Variants in WWC1 observed in about 807,000 individuals in gnomAD.
WWC1 encodes protein KIBRA.
A neutral mutation model predicts 138.4 loss-of-function variants in WWC1; 55 were observed. That is an observed-to-expected ratio of 0.40 (90% confidence interval 0.32 to 0.50). WWC1 has a LOEUF of 0.50. Among genes scored for constraint, WWC1 ranks in the 20% least tolerant of loss-of-function variants. The probability of loss-of-function intolerance (pLI) is 0.72; values close to 1 mark genes in which losing one functional copy is unlikely to be tolerated. For synonymous variants in WWC1, 524 were observed against 564.9 expected, an observed-to-expected ratio of 0.93 and a Z score of 1.03; for missense variants, 1,226 against 1,420.4, an observed-to-expected ratio of 0.86 and a Z score of 2.20.
chr5:168,406,086 G>C, intron 5 of WWC1, 112 bp from the exon 6 acceptor site: 1 of 1,350,156 alleles, frequency 7.4e-7, no homozygotes, highest in Non-Finnish European at 1.0e-6. Flanking sequence ...TAGCAGGACA[G>C]AGGGAGGGGC....
intron 1 of WWC1, among the ~76,000 whole-genome samples, chr5:168,317,311 T>C (rs1039263282): frequency 6.6e-6 from 1 of 152,206 alleles, no homozygotes; most frequent in Non-Finnish European, 1.5e-5. Context: ...CGTTTGTCTG[T>C]GTGTCCTGAT....
intron 11 of WWC1, 131 bp from the exon 12 acceptor site, chr5:168,427,902 A>C: frequency 1.5e-6 from 1 of 656,238 alleles, no homozygotes; most frequent in Non-Finnish European, 2.7e-6. Context: ...TCGAGGCTGC[A>C]GTGAGCCATG....
chr5:168,447,977 C>G (rs1465504177), intron 17 of WWC1, among the ~76,000 whole-genome samples: 11 of 152,170 alleles, frequency 7.2e-5, no homozygotes, highest in Non-Finnish European at 1.6e-4. Flanking sequence ...CTCCCAAAAC[C>G]CTGGCACAAG....
intron 3 of WWC1, among the ~76,000 whole-genome samples, chr5:168,390,593 A>T (rs985943188): frequency 2.6e-5 from 4 of 152,036 alleles, no homozygotes; most frequent in African/African-American, 9.7e-5. Flanking sequence ...CCTCATCATG[A>T]CTCTGTCTTC....
intron 1 of WWC1, among the ~76,000 whole-genome samples, chr5:168,345,492 C>G (rs923146988): frequency 2.6e-5 from 4 of 152,154 alleles, no homozygotes; most frequent in Non-Finnish European, 5.9e-5. Context: ...TCAGCCATTC[C>G]TTGGGTGTGA....
chr5:168,296,535 G>C (rs1002600825), intron 1 of WWC1, among the ~76,000 whole-genome samples: 4 of 152,148 alleles, frequency 2.6e-5, no homozygotes, highest in Non-Finnish European at 5.9e-5. Flanking sequence ...CTGGACCCCA[G>C]GTTCATAACC....
intron 16 of WWC1, among the ~76,000 whole-genome samples, chr5:168,444,272 T>G (rs1349394318): frequency 1.3e-5 from 2 of 152,218 alleles, no homozygotes; most frequent in East Asian, 1.9e-4. Flanking sequence ...GCTGAGTAAG[T>G]TCATACATAC....
At chr5:168,405,495 A>G (rs1180567236) in intron 5 of WWC1, among the ~76,000 whole-genome samples, 1 of 152,208 alleles carries the variant, frequency 6.6e-6, no homozygotes, top group Admixed American at 6.5e-5. Context: ...ATGCTACCGC[A>G]TAAACTATAA....
At chr5:168,448,188 C>T (rs1561781072) in intron 17 of WWC1, among the ~76,000 whole-genome samples, 1 of 152,150 alleles carries the variant, frequency 6.6e-6, no homozygotes, top group Admixed American at 6.6e-5. Flanking sequence ...GGCCCCCTCC[C>T]CCAAGACTGG....
At position 168,469,048 on chromosome 5, in the gene WWC1, G is replaced by T; in HGVS notation, c.*31G>T. ...AGAAAAGTATTTCCTTTGTTCCACT[G>T]ACCAGGCTGTGAACATTGACTGTGG... On this transcript the variant is annotated 3_prime_UTR_variant, in exon 23 of 23. Coordinates refer to ENST00000265293, the MANE Select transcript of WWC1 (RefSeq NM_015238.3). 6.2e-7 allele frequency: 1 copy of T among 1,612,884 alleles called. No homozygotes were observed. Among genetic ancestry groups the T allele is most frequent in the South Asian group, 1.1e-5 (1 of 91,038 alleles).
At chr5:168,302,144 T>C (rs1581858152) in intron 1 of WWC1, among the ~76,000 whole-genome samples, 1 of 152,184 alleles carries the variant, frequency 6.6e-6, no homozygotes, top group East Asian at 1.9e-4. Context: ...CTGGAACTCA[T>C]TTGTAACTGC....
At chr5:168,434,865 C>T (rs1782235507) in intron 15 of WWC1, among the ~76,000 whole-genome samples, 1 of 152,198 alleles carries the variant, frequency 6.6e-6, no homozygotes, top group South Asian at 2.1e-4. Context: ...TAGCCTGCTT[C>T]TCAGGCCCCA....
At position 168,453,429 on chromosome 5, in the gene WWC1, AG is replaced by A. The variant is rs559603343; in HGVS notation, c.2526-537del. Among the ~76,000 whole-genome samples the A allele has an allele frequency of 4.6e-4, 70 of 152,352 alleles. 1 individual carries two copies. The South Asian group carries it at 0.014, about 31-fold the overall frequency. Reference sequence around the variant, plus strand: ...GTGGGTGATTAAACTGGGAAAAGGTAGGAGAGAATTCTGGTGGGGAATGGAA... The same window carrying A: ...GTGGGTGATTAAACTGGGAAAAGGTAGAGAGAATTCTGGTGGGGAATGGAA... On this transcript the variant is annotated intron_variant, in intron 17 of 22. Coordinates refer to ENST00000265293, the MANE Select transcript of WWC1 (RefSeq NM_015238.3).
chr5:168,442,792 A>G (rs909631165), intron 16 of WWC1, among the ~76,000 whole-genome samples: 7 of 151,222 alleles, frequency 4.6e-5, no homozygotes, highest in African/African-American at 1.7e-4. Context: ...AGCCAAGATT[A>G]CACTGTCGCA....
intron 2 of WWC1, among the ~76,000 whole-genome samples, chr5:168,371,885 T>C (rs1334602385): frequency 6.6e-6 from 1 of 152,144 alleles, no homozygotes; most frequent in Non-Finnish European, 1.5e-5. Flanking sequence ...TATATTTACA[T>C]ATGTAAATTT....
At chr5:168,452,630 G>T (rs1392474128) in intron 17 of WWC1, among the ~76,000 whole-genome samples, 4 of 152,138 alleles carry the variant, frequency 2.6e-5, no homozygotes, top group Non-Finnish European at 4.4e-5. Context: ...TGCAACCCTA[G>T]CAATATCCAA....
intron 8 of WWC1, among the ~76,000 whole-genome samples, chr5:168,412,455 G>A (rs1237607347): frequency 6.6e-6 from 1 of 152,186 alleles, no homozygotes. Context: ...AATTTAAGGA[G>A]CATTGACATA....
intron 15 of WWC1, among the ~76,000 whole-genome samples, chr5:168,433,888 C>T (rs1305293005): frequency 6.6e-6 from 1 of 152,218 alleles, no homozygotes; most frequent in Non-Finnish European, 1.5e-5. Context: ...TAGCGTATTC[C>T]AGTGGAGAAA....
At chr5:168,372,046 AGTGTGTTTGT>A (rs1158425914) in intron 2 of WWC1, among the ~76,000 whole-genome samples, 1 of 107,222 alleles carries the variant, frequency 9.3e-6, no homozygotes, top group African/African-American at 3.7e-5. Context: ...AGAGAGAAAG[AGTGTGTTTGT>A]GTGTGTGTGT....
Sources: allele counts gnomAD v4.1 joint callset (sites outside exome capture counted in the v4.1 genomes callset), GRCh38; gene constraint gnomAD v4.1.1; transcripts MANE v1.5; gene names NCBI Gene and HGNC (gene_info 2026-07-23, HGNC 2026-07-21).